The following FDCSP variants were observed in gnomAD, a reference collection of about 807,000 sequenced individuals.
FDCSP encodes the protein follicular dendritic cell secreted peptide.
A neutral mutation model predicts 8.9 loss-of-function variants in FDCSP; 8 were observed. The observed-to-expected ratio is 0.90, with a 90% CI of 0.53 to 1.63. The LOEUF (loss-of-function observed/expected upper bound fraction) is 1.63, where lower values mean the gene tolerates loss of function less well. Ranked by LOEUF, FDCSP falls within the 40% of genes most tolerant of loss-of-function variation. FDCSP has a pLI of 0.00. For missense variants in FDCSP, 101 were observed against 103.6 expected (o/e 0.98, Z 0.11); for synonymous variants, 34 against 34.5 (o/e 0.98, Z 0.06).
chr4:70,232,925 C>T (rs1378162660), intron 2 of FDCSP, 69 bp from the exon 3 acceptor site: 1 of 1,208,336 alleles, frequency 8.3e-7, no homozygotes. Flanking sequence ...GATTGTCATG[C>T]ATATGTATAT....
intron 2 of FDCSP, among the ~76,000 whole-genome samples, chr4:70,232,573 ATC>A (rs1184664559): frequency 6.6e-6 from 1 of 151,594 alleles, no homozygotes; most frequent in Non-Finnish European, 1.5e-5. Context: ...CTCATAACTT[ATC>A]TCTGCTGTTA....
At chr4:70,233,702 C>A (rs1448373028) in intron 3 of FDCSP, among the ~76,000 whole-genome samples, 1 of 151,518 alleles carries the variant, frequency 6.6e-6, no homozygotes, top group Non-Finnish European at 1.5e-5. Flanking sequence ...TGGGTAAAGA[C>A]CTTGCATGAA....
At chr4:70,233,227 T>C (rs143500246) in intron 3 of FDCSP, among the ~76,000 whole-genome samples, 1 of 151,842 alleles carries the variant, frequency 6.6e-6, no homozygotes, top group Non-Finnish European at 1.5e-5. Flanking sequence ...ATATCTCATG[T>C]CACGGTAAAA....
At chr4:70,228,677 G>A (rs115075839) in intron 1 of FDCSP, among the ~76,000 whole-genome samples, 2,137 of 151,824 alleles carry the variant, frequency 0.014, 49 homozygotes, top group African/African-American at 0.047. Flanking sequence ...TGATCCATAG[G>A]CTGCAGAATG....
chr4:70,232,587 G>A (rs1239434038), intron 2 of FDCSP, among the ~76,000 whole-genome samples: 1 of 151,516 alleles, frequency 6.6e-6, no homozygotes, highest in East Asian at 1.9e-4. Context: ...CTGCTGTTAG[G>A]CAATGCATGA....
At chr4:70,234,644 C>T (rs1730146754) in intron 4 of FDCSP, among the ~76,000 whole-genome samples, 1 of 151,330 alleles carries the variant, frequency 6.6e-6, no homozygotes, top group African/African-American at 2.4e-5. Flanking sequence ...TACTAAAACT[C>T]CAAACCTAGC....
chr4:70,232,579 G>C lies in FDCSP; in HGVS notation c.58-415G>C, dbSNP rs997342541. Among the ~76,000 whole-genome samples the C allele has an allele frequency of 2.0e-5, 3 of 151,518 alleles. No homozygotes were observed. The East Asian group carries it at 5.8e-4, about 29-fold the overall frequency. On this transcript the variant is annotated intron_variant, in intron 2 of 4. Coordinates refer to ENST00000317987, the MANE Select transcript of FDCSP (RefSeq NM_152997.4). The stretch of plus-strand genomic sequence containing the variant: ...TACCCATTTCTCATAACTTATCTCT[G>C]CTGTTAGGCAATGCATGACTCTATA...
At chr4:70,232,397 T>C (rs979245030) in intron 2 of FDCSP, among the ~76,000 whole-genome samples, 4 of 151,702 alleles carry the variant, frequency 2.6e-5, no homozygotes, top group African/African-American at 7.2e-5. Flanking sequence ...TACCACTGTG[T>C]TACAACTGCT....
intron 3 of FDCSP, among the ~76,000 whole-genome samples, chr4:70,233,515 GGTTT>G (rs530778488): frequency 3.8e-4 from 58 of 151,684 alleles, no homozygotes; most frequent in African/African-American, 1.4e-3. Flanking sequence ...CTTGTTTAAA[GGTTT>G]GTTTTTATTT....
chr4:70,233,115 C>T, intron 3 of FDCSP, 89 bp downstream of exon 3: 1 of 1,162,816 alleles, frequency 8.6e-7, no homozygotes, highest in African/African-American at 1.6e-5. Flanking sequence ...TCTAAACCTC[C>T]CAAACTGTGG....
At chr4:70,234,251 A>C in intron 4 of FDCSP, 36 bp downstream of exon 4, 1 of 1,449,654 alleles carries the variant, frequency 6.9e-7, no homozygotes, top group African/African-American at 1.4e-5. Flanking sequence ...GTTTATTTTA[A>C]GTTTGCAGAT....
chr4:70,232,407 TTACAG>T (rs1406892829), intron 2 of FDCSP, among the ~76,000 whole-genome samples: 1 of 151,662 alleles, frequency 6.6e-6, no homozygotes, highest in Non-Finnish European at 1.5e-5. Context: ...TTACAACTGC[TTACAG>T]TATTCAGGAT....
chr4:70,232,756 G>C (rs757907567), intron 2 of FDCSP, among the ~76,000 whole-genome samples: 7 of 151,482 alleles, frequency 4.6e-5, no homozygotes, highest in Non-Finnish European at 1.0e-4. Context: ...ACCATATACT[G>C]TTCAGTGCAT....
chr4:70,229,713 A>G (rs1269125935), intron 1 of FDCSP, among the ~76,000 whole-genome samples: 1 of 151,714 alleles, frequency 6.6e-6, no homozygotes, highest in Non-Finnish European at 1.5e-5. Flanking sequence ...CAATCGAAAC[A>G]TTCACAAGAT....
intron 1 of FDCSP, 83 bp downstream of exon 1, chr4:70,226,265 T>C (rs1415147275): frequency 6.6e-6 from 1 of 151,960 alleles, no homozygotes; most frequent in African/African-American, 2.4e-5. Flanking sequence ...TCTCCATATA[T>C]TTTTCTTTAA....
intron 1 of FDCSP, among the ~76,000 whole-genome samples, chr4:70,227,021 A>AAT (rs1213153019): frequency 6.6e-6 from 1 of 151,860 alleles, no homozygotes; most frequent in African/African-American, 2.4e-5. Flanking sequence ...AAATACTCAA[A>AAT]ATATTTTGCA....
At chr4:70,231,128 C>T in intron 1 of FDCSP, 67 bp from the exon 2 acceptor site, 1 of 1,286,726 alleles carries the variant, frequency 7.8e-7, no homozygotes, top group Middle Eastern at 1.9e-4. Context: ...GGTCTTTTAG[C>T]TGACTTCTAG....
chr4:70,233,160 A>C (rs1211864491), intron 3 of FDCSP, 134 bp downstream of exon 3: 5 of 674,364 alleles, frequency 7.4e-6, no homozygotes, highest in Non-Finnish European at 1.2e-5. Flanking sequence ...ATTAGCACTC[A>C]ACAGAGGTTT....
chr4:70,233,952 G>A (rs1730130214), intron 3 of FDCSP, 68 bp from the exon 4 acceptor site: 4 of 1,447,340 alleles, frequency 2.8e-6, no homozygotes, highest in Middle Eastern at 1.8e-4. Flanking sequence ...TATTTAAAAA[G>A]CAAAGCTGTT....
Sources: allele counts gnomAD v4.1 joint callset (sites outside exome capture counted in the v4.1 genomes callset), GRCh38; gene constraint gnomAD v4.1.1; transcripts MANE v1.5; gene names NCBI Gene and HGNC (gene_info 2026-07-23, HGNC 2026-07-21).